ZNF577: variants seen among roughly 807,000 people sequenced by gnomAD.
The protein encoded by ZNF577 is zinc finger protein 577.
A neutral mutation model predicts 13.9 loss-of-function variants in ZNF577; 14 were observed. That is an observed-to-expected ratio of 1.00 (90% confidence interval 0.66 to 1.57). The LOEUF (loss-of-function observed/expected upper bound fraction) is 1.57. Ranked by LOEUF, ZNF577 falls within the 40% of genes most tolerant of loss-of-function variation. The pLI, the probability that ZNF577 is intolerant of heterozygous loss-of-function variation, is 0.00. For missense variants in ZNF577, 555 were observed against 579.2 expected (o/e 0.96, Z 0.43); for synonymous variants, 203 against 202.9 (o/e 1.00, Z 0.00).
At chr19:51,865,666 T>C (rs1000796748), downstream of ZNF577, among the ~76,000 whole-genome samples, 1 of 152,230 alleles carries the variant, frequency 6.6e-6, no homozygotes, top group Admixed American at 6.5e-5. Flanking sequence ...TAGGTATCTG[T>C]AGTCACCTTC....
intron 5 of ZNF577, among the ~76,000 whole-genome samples, chr19:51,850,134 C>T (rs919386338): frequency 1.3e-5 from 2 of 152,198 alleles, no homozygotes; most frequent in Non-Finnish European, 2.9e-5. Flanking sequence ...CTAATCTTCT[C>T]CAAAGAGAGG....
intron 5 of ZNF577, among the ~76,000 whole-genome samples, chr19:51,876,968 G>A (rs929765853): frequency 2.6e-5 from 4 of 151,178 alleles, no homozygotes; most frequent in Admixed American, 1.3e-4. Context: ...GATGGGTTAC[G>A]AGGGGAATTT....
chr19:51,859,361 T>A (rs2084472978), intron 5 of ZNF577, among the ~76,000 whole-genome samples: 1 of 152,178 alleles, frequency 6.6e-6, no homozygotes, highest in African/African-American at 2.4e-5. Context: ...GGTATTTTAC[T>A]TAGGAATGGA....
intron 5 of ZNF577, among the ~76,000 whole-genome samples, chr19:51,858,114 C>G (rs969595931): frequency 6.6e-6 from 1 of 152,146 alleles, no homozygotes; most frequent in African/African-American, 2.4e-5. Context: ...CTAGCTGCAC[C>G]CAACATGGTC....
At chr19:51,859,354 A>G (rs536034271) in intron 5 of ZNF577, among the ~76,000 whole-genome samples, 1 of 152,062 alleles carries the variant, frequency 6.6e-6, no homozygotes. Context: ...TCTCATGGGT[A>G]TTTTACTTAG....
intron 9 of ZNF577, among the ~76,000 whole-genome samples, chr19:51,820,955 G>A (rs1235125457): frequency 1.3e-5 from 2 of 152,190 alleles, no homozygotes; most frequent in African/African-American, 4.8e-5. Context: ...GAAGCTCTTG[G>A]CATGTGAGTA....
intron 1 of ZNF577, among the ~76,000 whole-genome samples, chr19:51,885,732 T>G (rs1336844575): frequency 6.6e-6 from 1 of 152,192 alleles, no homozygotes; most frequent in Non-Finnish European, 1.5e-5. Context: ...TGTCTCGAAC[T>G]CCTGATCTCA....
intron 5 of ZNF577, chr19:51,861,509 A>C (rs911106739): frequency 6.6e-6 from 1 of 152,450 alleles, no homozygotes; most frequent in Non-Finnish European, 1.5e-5. Flanking sequence ...CATTGCATCT[A>C]TAAGGTTTCT....
rs1279074850 is a variant in ZNF577 at position 51,867,076 on chromosome 19, A to G, written c.*5456T>C. Among the ~76,000 whole-genome samples the G allele has an allele frequency of 1.3e-5, 2 of 152,212 alleles. No individual in the cohort carries two copies. Among genetic ancestry groups the G allele is most frequent in the African/African-American group, 2.4e-5 (1 of 41,462 alleles). Reference sequence around the variant, plus strand: ...ATCATACATTCTTACATATTTATTCACCTGTATTCACACTTAAGGCACTCT... The same window carrying G: ...ATCATACATTCTTACATATTTATTCGCCTGTATTCACACTTAAGGCACTCT... On this transcript the variant is annotated 3_prime_UTR_variant, in exon 6 of 6. Coordinates refer to ENST00000638348, the MANE Select transcript of ZNF577 (RefSeq NM_001370449.1).
intron 10 of ZNF577, among the ~76,000 whole-genome samples, chr19:51,810,690 T>TGC (rs2084090392): frequency 6.6e-6 from 1 of 152,188 alleles, no homozygotes; most frequent in African/African-American, 2.4e-5. Context: ...CAAGTTCGCA[T>TGC]CAAGTGTCTC....
intron 5 of ZNF577, among the ~76,000 whole-genome samples, chr19:51,857,277 G>A (rs992764602): frequency 4.6e-4 from 69 of 150,786 alleles, no homozygotes; most frequent in Admixed American, 1.6e-3. Context: ...TCAGCCTGGC[G>A]ACAAAGCGAG....
chr19:51,816,118 G>A (rs773296714), intron 9 of ZNF577, among the ~76,000 whole-genome samples: 17 of 151,900 alleles, frequency 1.1e-4, no homozygotes, highest in African/African-American at 4.1e-4. Context: ...TCTTGAGTTG[G>A]TGAACACAAA....
intron 9 of ZNF577, among the ~76,000 whole-genome samples, chr19:51,838,228 T>C (rs1334695185): frequency 1.3e-5 from 2 of 152,168 alleles, no homozygotes; most frequent in Non-Finnish European, 2.9e-5. Flanking sequence ...GGTATCCACA[T>C]ATAAGTGCAT....
chr19:51,866,533 C>G (rs1204038054), downstream of ZNF577, among the ~76,000 whole-genome samples: 1 of 152,212 alleles, frequency 6.6e-6, no homozygotes, highest in African/African-American at 2.4e-5. Flanking sequence ...TGACTTCAGT[C>G]TTTGAAACCC....
At chr19:51,809,321 TA>T (rs1387903214) in intron 10 of ZNF577, among the ~76,000 whole-genome samples, 6 of 152,232 alleles carry the variant, frequency 3.9e-5, no homozygotes, top group Non-Finnish European at 8.8e-5. Flanking sequence ...ATGTAGAAGT[TA>T]ATTGCAAGGG....
intron 9 of ZNF577, among the ~76,000 whole-genome samples, chr19:51,821,296 G>A (rs2084186959): frequency 1.3e-5 from 2 of 152,214 alleles, no homozygotes; most frequent in African/African-American, 4.8e-5. Context: ...CCAAAGCCCA[G>A]TGTTCTTTAC....
intron 1 of ZNF577, among the ~76,000 whole-genome samples, chr19:51,881,235 T>C (rs1444692332): frequency 6.6e-6 from 1 of 152,138 alleles, no homozygotes; most frequent in Non-Finnish European, 1.5e-5. Context: ...TTCCAGCTAT[T>C]GTAGAGGCTG....
chr19:51,865,120 G>A (rs867982984), downstream of ZNF577, among the ~76,000 whole-genome samples: 7 of 152,186 alleles, frequency 4.6e-5, no homozygotes, highest in South Asian at 4.1e-4. Context: ...TCTTGAGACG[G>A]AGTTTCGCTC....
In ZNF577 at chr19:51,869,623, T is replaced by C. The variant is rs1398717317; in HGVS notation, c.*2909A>G. ...TTCTCTACTTTGTCTCTGTGTCTTA[T>C]TTCTTATTTCTTTTCTCAGTCTCTC... On this transcript the variant is annotated 3_prime_UTR_variant, in exon 6 of 6. Coordinates refer to ENST00000638348, the MANE Select transcript of ZNF577 (RefSeq NM_001370449.1). 7.5e-6 allele frequency among the ~76,000 whole-genome samples: 1 copy of C among 133,016 alleles called. No homozygotes were observed. The highest frequency in any genetic ancestry group is 1.9e-4 in the East Asian group (1 of 5,154). The allele number at this position is 133,016 out of a possible 152,430, so 87.3% of individuals were successfully genotyped here.
Sources: allele counts gnomAD v4.1 joint callset (sites outside exome capture counted in the v4.1 genomes callset), GRCh38; gene constraint gnomAD v4.1.1; transcripts MANE v1.5; gene names NCBI Gene and HGNC (gene_info 2026-07-23, HGNC 2026-07-21).